The following CDH12 variants were observed in gnomAD, a reference collection of about 807,000 sequenced individuals.
CDH12 encodes the protein cadherin-12.
A neutral mutation model predicts 74.1 loss-of-function variants in CDH12; 41 were observed. The observed-to-expected ratio is 0.55, with a 90% CI of 0.43 to 0.72. The LOEUF is 0.72. CDH12 is among the 30% of genes least tolerant of loss of function. The pLI, the probability that CDH12 is intolerant of heterozygous loss-of-function variation, is 0.00. For synonymous variants in CDH12, 399 were observed against 355.0 expected, an observed-to-expected ratio of 1.12 and a Z score of -1.39; for missense variants, 945 against 977.2, an observed-to-expected ratio of 0.97 and a Z score of 0.44.
intron 10 of CDH12, among the ~76,000 whole-genome samples, chr5:21,786,415 G>A (rs891336880): frequency 6.6e-6 from 1 of 151,980 alleles, no homozygotes; most frequent in Admixed American, 6.6e-5. Context: ...ACCTCCCAAA[G>A]TGCTGAGATT....
At chr5:22,815,339 A>T (rs901256961) in intron 1 of CDH12, among the ~76,000 whole-genome samples, 3 of 152,240 alleles carry the variant, frequency 2.0e-5, no homozygotes, top group Admixed American at 2.0e-4. Context: ...GAAAGTAGAG[A>T]TGTAACAATG....
intron 2 of CDH12, among the ~76,000 whole-genome samples, chr5:22,420,515 C>T (rs543609835): frequency 2.2e-4 from 34 of 152,222 alleles, no homozygotes; most frequent in African/African-American, 8.2e-4. Flanking sequence ...GATCTCTATA[C>T]TATTCCATTG....
At chr5:22,710,076 G>T (rs942782899) in intron 1 of CDH12, among the ~76,000 whole-genome samples, 2 of 152,102 alleles carry the variant, frequency 1.3e-5, no homozygotes, top group African/African-American at 4.8e-5. Flanking sequence ...TTATTAAATT[G>T]CTTAAGCCTA....
intron 2 of CDH12, among the ~76,000 whole-genome samples, chr5:22,422,567 T>C (rs777918239): frequency 3.3e-5 from 5 of 152,166 alleles, no homozygotes; most frequent in South Asian, 2.1e-4. Context: ...CATTGCATGA[T>C]ACGATATCAA....
chr5:22,573,583 T>C (rs1273921899), intron 1 of CDH12, among the ~76,000 whole-genome samples: 1 of 152,188 alleles, frequency 6.6e-6, no homozygotes, highest in Non-Finnish European at 1.5e-5. Context: ...AAAGCAACCA[T>C]GTCTAAAATT....
intron 1 of CDH12, among the ~76,000 whole-genome samples, chr5:22,728,835 G>T (rs561327457): frequency 6.6e-6 from 1 of 151,636 alleles, no homozygotes; most frequent in African/African-American, 2.4e-5. Flanking sequence ...GCCCTCCACC[G>T]TCATGACCTA....
intron 5 of CDH12, among the ~76,000 whole-genome samples, chr5:22,063,639 T>C (rs2150208590): frequency 6.6e-6 from 1 of 152,242 alleles, no homozygotes; most frequent in Non-Finnish European, 1.5e-5. Context: ...GTTAATTTTA[T>C]GTGTCAGTTT....
chr5:22,691,946 A>G (rs1742105996), intron 1 of CDH12, among the ~76,000 whole-genome samples: 1 of 152,014 alleles, frequency 6.6e-6, no homozygotes, highest in African/African-American at 2.4e-5. Context: ...CTTCACTTTA[A>G]CTCTCCCATT....
chr5:22,834,866 G>C (rs1736755915), intron 1 of CDH12, among the ~76,000 whole-genome samples: 1 of 151,860 alleles, frequency 6.6e-6, no homozygotes. Flanking sequence ...AACAAGAGGG[G>C]ATAAAAAGGA....
intron 6 of CDH12, among the ~76,000 whole-genome samples, chr5:21,942,247 CT>C (rs563582631): frequency 5.9e-4 from 90 of 151,620 alleles, no homozygotes; most frequent in African/African-American, 2.1e-3. Flanking sequence ...TTAGTCTTTA[CT>C]TGCAGAACTG....
chr5:22,092,148 C>T (rs1263072438), intron 4 of CDH12, among the ~76,000 whole-genome samples: 1 of 151,840 alleles, frequency 6.6e-6, no homozygotes, highest in Non-Finnish European at 1.5e-5. Flanking sequence ...CAGGATGGAT[C>T]ATAGACCTTA....
chr5:22,198,739 AC>A (rs1750760080), intron 4 of CDH12, among the ~76,000 whole-genome samples: 1 of 152,088 alleles, frequency 6.6e-6, no homozygotes, highest in Admixed American at 6.6e-5. Flanking sequence ...CTTTATGTGG[AC>A]AAAAATGCTA....
chr5:22,242,316 T>C (rs1332884112), intron 3 of CDH12, among the ~76,000 whole-genome samples: 1 of 152,216 alleles, frequency 6.6e-6, no homozygotes. Context: ...CAGATACAGA[T>C]ATGAATGCGT....
At chr5:22,680,506 C>T (rs1415089606) in intron 1 of CDH12, among the ~76,000 whole-genome samples, 1 of 151,966 alleles carries the variant, frequency 6.6e-6, no homozygotes, top group Non-Finnish European at 1.5e-5. Flanking sequence ...GAAAGGTGCT[C>T]ATAGCATGTT....
chr5:22,323,035 A>G (rs536449174), intron 3 of CDH12, among the ~76,000 whole-genome samples: 4 of 152,302 alleles, frequency 2.6e-5, no homozygotes, highest in Admixed American at 2.6e-4. Flanking sequence ...AGGTAATAAG[A>G]GTAATCAGTT....
intron 9 of CDH12, among the ~76,000 whole-genome samples, chr5:21,805,795 C>T (rs1307440479): frequency 6.6e-6 from 1 of 152,056 alleles, no homozygotes. Flanking sequence ...AGTTTCAGTG[C>T]TAGAAAATAA....
At chr5:22,272,809 T>C (rs2150401303) in intron 3 of CDH12, among the ~76,000 whole-genome samples, 1 of 152,284 alleles carries the variant, frequency 6.6e-6, no homozygotes, top group East Asian at 1.9e-4. Flanking sequence ...TCTGTTTTTA[T>C]GCTGCTATGA....
At chr5:22,493,701 AG>A (rs1259421638) in intron 2 of CDH12, among the ~76,000 whole-genome samples, 1 of 152,114 alleles carries the variant, frequency 6.6e-6, no homozygotes. Flanking sequence ...AAGATGGAAA[AG>A]TTTATGGATA....
At chr5:21,909,407 A>C (rs1182476139) in intron 6 of CDH12, among the ~76,000 whole-genome samples, 1 of 152,204 alleles carries the variant, frequency 6.6e-6, no homozygotes, top group Non-Finnish European at 1.5e-5. Flanking sequence ...ATCTCCAAGA[A>C]AACAGAAAAT....
Sources: gnomAD v4.1 joint callset for allele counts (sites outside exome capture counted in the v4.1 genomes callset) on GRCh38, gnomAD v4.1.1 for gene constraint, MANE v1.5 for transcripts, NCBI Gene and HGNC (gene_info 2026-07-23, HGNC 2026-07-21) for gene names.